The following SPECC1 variants were observed in gnomAD, a reference collection of about 807,000 sequenced individuals.
The protein encoded by SPECC1 is sperm antigen with calponin homology and coiled-coil domains 1.
A neutral mutation model predicts 104.1 loss-of-function variants in SPECC1; 62 were observed. The ratio of observed to expected loss-of-function variants is 0.60; its 90% CI spans 0.49 to 0.74. SPECC1 has a LOEUF of 0.74. Ranked by LOEUF, SPECC1 falls within the 30% of genes least tolerant of loss-of-function variation. The pLI, the probability that SPECC1 is intolerant of heterozygous loss-of-function variation, is 0.00. For synonymous variants in SPECC1, 513 were observed against 501.6 expected (o/e 1.02, Z -0.30); for missense variants, 1,306 against 1,310.5 (o/e 1.00, Z 0.05).
chr17:20,112,754 G>A (rs923671153), intron 3 of SPECC1: 2 of 1,248,482 alleles, frequency 1.6e-6, no homozygotes, highest in Non-Finnish European at 2.4e-6. Context: ...TAACCTGAAA[G>A]GTGTGGATAT....
Position 20,110,421 on chromosome 17 carries a change from T to C in SPECC1, c.148-6T>C, listed in dbSNP as rs776949847. 6.2e-7 allele frequency: 1 copy of C among 1,607,402 alleles called. No individual in the cohort carries two copies. The highest frequency in any genetic ancestry group is 1.1e-5 in the South Asian group (1 of 90,442). On this transcript the variant is annotated splice_polypyrimidine_tract_variant and splice_region_variant and intron_variant, in intron 2 of 14. Coordinates refer to ENST00000395527, the MANE Select transcript of SPECC1 (RefSeq NM_001243439.2). ...CATCCTCTCTCTTTCCTTCCAACTC[T>C]CTCAGCTCAAGAGGGCCAGCAGTGA...
rs2040021769 is a variant in SPECC1 at position 20,261,483 on chromosome 17, CAG to C, written c.2940+1192_2940+1193del. ...CGCCACTGCACTCCAGGCTGGGCGA[CAG>C]AGCAAGACTCCGTCTCAAAAAAAAA... On this transcript the variant is annotated intron_variant, in intron 12 of 14. Transcript: ENST00000395527. Among the ~76,000 whole-genome samples, 3 of 125,970 alleles carry C rather than the reference CAG, an allele frequency of 2.4e-5. No individual in the cohort carries two copies. The Admixed American group carries it at 2.9e-4, about 12-fold the overall frequency. The allele number at this position is 125,970 out of a possible 152,430, so 82.6% of individuals were successfully genotyped here. A position where few individuals can be genotyped will look rare whatever the true frequency, so the allele number is the denominator to read the frequency against.
intron 1 of SPECC1, among the ~76,000 whole-genome samples, chr17:20,075,375 G>A (rs2046719538): frequency 6.6e-6 from 1 of 152,208 alleles, no homozygotes; most frequent in South Asian, 2.1e-4. Context: ...GGGCAGGTAG[G>A]TGAGTGGTGC....
chr17:20,080,418 A>G (rs2046922616), intron 1 of SPECC1, among the ~76,000 whole-genome samples: 1 of 152,148 alleles, frequency 6.6e-6, no homozygotes, highest in Non-Finnish European at 1.5e-5. Context: ...GCAACACATT[A>G]CAACCCGGGG....
At chr17:20,027,026 C>A (rs2044627319) in intron 1 of SPECC1, among the ~76,000 whole-genome samples, 1 of 152,108 alleles carries the variant, frequency 6.6e-6, no homozygotes, top group Non-Finnish European at 1.5e-5. Flanking sequence ...TTTTATTTCT[C>A]TGATGATTAG....
intron 12 of SPECC1, among the ~76,000 whole-genome samples, chr17:20,274,595 C>T (rs1412252954): frequency 6.6e-6 from 1 of 150,508 alleles, no homozygotes; most frequent in Non-Finnish European, 1.5e-5. Flanking sequence ...ATTCTCCTGC[C>T]TCAGCCTCCC....
At chr17:20,248,877 T>C (rs2039521363) in intron 9 of SPECC1, among the ~76,000 whole-genome samples, 1 of 152,244 alleles carries the variant, frequency 6.6e-6, no homozygotes, top group Non-Finnish European at 1.5e-5. Flanking sequence ...TTGTTTTGTT[T>C]CCTGCCTTAA....
rs919593662 is a variant in SPECC1 at position 20,232,447 on chromosome 17, A to G, written c.2351+42A>G. On this transcript the variant is annotated intron_variant, in intron 7 of 14. Coordinates refer to ENST00000395527, the MANE Select transcript of SPECC1 (RefSeq NM_001243439.2). ...CCAGGGCCGTGCTTGCTTCTCAATC[A>G]CTATGTATGGGGCTCCCTGGTGGGG... 3 of 1,559,810 alleles carry G rather than the reference A, an allele frequency of 1.9e-6. No individual in the cohort carries two copies. In the Admixed American group the frequency reaches 5.8e-5, roughly 30 times the overall value.
At chr17:20,165,323 C>T (rs1005054413) in intron 3 of SPECC1, among the ~76,000 whole-genome samples, 6 of 152,038 alleles carry the variant, frequency 3.9e-5, no homozygotes, top group Non-Finnish European at 7.4e-5. Flanking sequence ...TTTTCTGTTC[C>T]TGTGTTAGTT....
chr17:20,108,046 G>C (rs995433076), intron 2 of SPECC1, among the ~76,000 whole-genome samples: 1 of 152,112 alleles, frequency 6.6e-6, no homozygotes, highest in African/African-American at 2.4e-5. Context: ...TTGTTAAAAG[G>C]CAATGGCGAG....
At chr17:20,213,341 C>T (rs2037281739) in intron 4 of SPECC1, among the ~76,000 whole-genome samples, 1 of 152,144 alleles carries the variant, frequency 6.6e-6, no homozygotes, top group African/African-American at 2.4e-5. Flanking sequence ...TCCTCCCACA[C>T]CTCAGTGCCT....
chr17:20,076,379 T>C (rs2046760662), intron 1 of SPECC1, among the ~76,000 whole-genome samples: 1 of 152,174 alleles, frequency 6.6e-6, no homozygotes, highest in Non-Finnish European at 1.5e-5. Context: ...TTTGTATTTT[T>C]GGTAGAGATG....
chr17:20,117,963 A>G (rs1460536591), intron 3 of SPECC1, among the ~76,000 whole-genome samples: 1 of 151,888 alleles, frequency 6.6e-6, no homozygotes, highest in African/African-American at 2.4e-5. Flanking sequence ...AAATTAGCCA[A>G]GCATGGAAGC....
At position 20,092,712 on chromosome 17, in the gene SPECC1, A is replaced by G. The variant is rs1390121105; in HGVS notation, c.-21-3919A>G. ...TCGAGAGGGCGGCTCATAGTTGTCA[A>G]CAGCCTTCTGTGTGCCTGGCACCTG... is the stretch of plus-strand genomic sequence containing the variant. On this transcript the variant is annotated intron_variant, in intron 1 of 14. Coordinates refer to ENST00000395527, the MANE Select transcript of SPECC1 (RefSeq NM_001243439.2). Among the ~76,000 whole-genome samples, 3 of 152,200 alleles carry G rather than the reference A, an allele frequency of 2.0e-5. No individual in the cohort carries two copies. In the East Asian group the frequency reaches 5.8e-4, roughly 29 times the overall value.
chr17:20,272,548 C>T (rs2151638127), intron 12 of SPECC1, among the ~76,000 whole-genome samples: 1 of 152,276 alleles, frequency 6.6e-6, no homozygotes, highest in Non-Finnish European at 1.5e-5. Flanking sequence ...TCCCCTCTTC[C>T]CCCAGCCTCT....
chr17:20,047,566 C>G (rs2045585370), intron 1 of SPECC1, among the ~76,000 whole-genome samples: 2 of 152,082 alleles, frequency 1.3e-5, no homozygotes, highest in African/African-American at 4.8e-5. Flanking sequence ...TCAGAATTAG[C>G]AGTTGTGTGT....
At chr17:20,293,612 G>A (rs1188891462) in intron 12 of SPECC1, among the ~76,000 whole-genome samples, 1 of 152,222 alleles carries the variant, frequency 6.6e-6, no homozygotes, top group Non-Finnish European at 1.5e-5. Context: ...AGGGCAAGAA[G>A]AGGAAGAGCT....
chr17:20,028,562 T>C (rs977741645), intron 1 of SPECC1, among the ~76,000 whole-genome samples: 4 of 149,810 alleles, frequency 2.7e-5, no homozygotes, highest in Admixed American at 6.6e-5. Flanking sequence ...TCCATTGATA[T>C]GTATGTATGT....
At chr17:20,068,808 T>G (rs1317124748) in intron 1 of SPECC1, among the ~76,000 whole-genome samples, 2 of 152,254 alleles carry the variant, frequency 1.3e-5, no homozygotes, top group African/African-American at 4.8e-5. Flanking sequence ...TTTGGAGAAA[T>G]ACCTGTTCAG....
Sources: allele counts gnomAD v4.1 joint callset (sites outside exome capture counted in the v4.1 genomes callset), GRCh38; gene constraint gnomAD v4.1.1; transcripts MANE v1.5; gene names NCBI Gene and HGNC (gene_info 2026-07-23, HGNC 2026-07-21).